The following MYRIP variants were observed in gnomAD, a reference collection of about 807,000 sequenced individuals.
MYRIP encodes the protein myosin VIIA and Rab interacting protein.
MYRIP carries 49 observed loss-of-function variants against 98.0 expected under a neutral mutation model. The observed-to-expected ratio is 0.50, with a 90% CI of 0.40 to 0.63. MYRIP has a LOEUF of 0.63. Among genes scored for constraint, MYRIP ranks in the 30% least tolerant of loss-of-function variants. MYRIP has a pLI of 0.00. For missense variants in MYRIP, 1,004 were observed against 1,058.2 expected (o/e 0.95, Z 0.71); for synonymous variants, 404 against 409.5 (o/e 0.99, Z 0.16).
At chr3:40,057,538 T>C (rs1012069102) in intron 3 of MYRIP, among the ~76,000 whole-genome samples, 11 of 152,166 alleles carry the variant, frequency 7.2e-5, no homozygotes, top group African/African-American at 2.4e-4. Flanking sequence ...CCATATGCCT[T>C]GGTAACTCCC....
chr3:39,889,032 G>A (rs1186852479), intron 1 of MYRIP, among the ~76,000 whole-genome samples: 1 of 152,122 alleles, frequency 6.6e-6, no homozygotes, highest in Non-Finnish European at 1.5e-5. Flanking sequence ...GGAAACAACA[G>A]GTGCTGGAGA....
intron 11 of MYRIP, among the ~76,000 whole-genome samples, chr3:40,230,587 T>C (rs1952623976): frequency 6.6e-6 from 1 of 152,178 alleles, no homozygotes; most frequent in Admixed American, 6.5e-5. Flanking sequence ...CCCTGTCATA[T>C]AGCTATTGAA....
At chr3:40,152,285 C>T (rs1252044532) in intron 4 of MYRIP, among the ~76,000 whole-genome samples, 2 of 152,144 alleles carry the variant, frequency 1.3e-5, no homozygotes, top group South Asian at 2.1e-4. Context: ...TGAATAGAAT[C>T]GGCTCACTCA....
At chr3:40,219,313 T>C (rs1952248509) in intron 11 of MYRIP, among the ~76,000 whole-genome samples, 2 of 152,202 alleles carry the variant, frequency 1.3e-5, no homozygotes, top group Admixed American at 1.3e-4. Context: ...ATAAATATTT[T>C]GTTTGTTTTA....
intron 2 of MYRIP, among the ~76,000 whole-genome samples, chr3:39,925,429 C>T (rs1944402577): frequency 6.6e-6 from 1 of 151,952 alleles, no homozygotes; most frequent in African/African-American, 2.4e-5. Flanking sequence ...ATGATCCCAT[C>T]ACCCAGGTAG....
At chr3:40,097,652 C>T (rs4676467) in intron 3 of MYRIP, among the ~76,000 whole-genome samples, 125,743 of 152,090 alleles carry the variant, frequency 0.83, 51,972 homozygotes, top group Admixed American at 0.87. Context: ...AGGCTCCCAC[C>T]CTGGAGGTGG....
chr3:40,127,490 C>A (rs559316742), intron 3 of MYRIP, among the ~76,000 whole-genome samples: 1 of 152,324 alleles, frequency 6.6e-6, no homozygotes, highest in South Asian at 2.1e-4. Flanking sequence ...AAGTGGGTCA[C>A]AATTCTACAG....
At chr3:40,253,582 C>G (rs1488776829) in intron 16 of MYRIP, among the ~76,000 whole-genome samples, 1 of 152,166 alleles carries the variant, frequency 6.6e-6, no homozygotes, top group Non-Finnish European at 1.5e-5. Context: ...TCCAAACAAC[C>G]TAAACTAAGA....
intron 3 of MYRIP, among the ~76,000 whole-genome samples, chr3:40,084,376 G>A (rs952011398): frequency 2.0e-5 from 3 of 146,502 alleles, no homozygotes; most frequent in Non-Finnish European, 4.5e-5. Context: ...ACACATCTAT[G>A]TATTATATAT....
At chr3:39,926,037 G>T (rs1002962644) in intron 2 of MYRIP, among the ~76,000 whole-genome samples, 4 of 152,090 alleles carry the variant, frequency 2.6e-5, no homozygotes, top group Non-Finnish European at 5.9e-5. Flanking sequence ...TGACTGATGT[G>T]AGATGGTATC....
intron 3 of MYRIP, among the ~76,000 whole-genome samples, chr3:40,143,698 A>G (rs1260175807): frequency 6.6e-6 from 1 of 152,248 alleles, no homozygotes. Context: ...TTTATGGGGT[A>G]CAATGTGACA....
intron 1 of MYRIP, among the ~76,000 whole-genome samples, chr3:39,891,574 T>G (rs921515664): frequency 2.6e-5 from 4 of 152,146 alleles, no homozygotes; most frequent in Non-Finnish European, 5.9e-5. Context: ...CTAAGTTCAC[T>G]TTTCCAAAAT....
chr3:40,190,892 A>G (rs1951190345), intron 10 of MYRIP, among the ~76,000 whole-genome samples: 1 of 152,208 alleles, frequency 6.6e-6, no homozygotes, highest in Non-Finnish European at 1.5e-5. Flanking sequence ...TTCAGATCCA[A>G]CTGTGTGGCC....
At chr3:40,164,482 G>A (rs1290762611) in intron 5 of MYRIP, among the ~76,000 whole-genome samples, 1 of 152,192 alleles carries the variant, frequency 6.6e-6, no homozygotes, top group Admixed American at 6.5e-5. Flanking sequence ...AGGCCTTTCA[G>A]TGGATTGAAT....
chr3:40,149,426 C>A (rs534544932), intron 3 of MYRIP, among the ~76,000 whole-genome samples: 4 of 152,326 alleles, frequency 2.6e-5, no homozygotes, highest in South Asian at 4.1e-4. Context: ...CACATTTTAA[C>A]ATGAGATTTG....
chr3:40,203,540 T>C (rs923460870), intron 10 of MYRIP, among the ~76,000 whole-genome samples: 2 of 150,580 alleles, frequency 1.3e-5, no homozygotes, highest in African/African-American at 4.9e-5. Context: ...TGAAAACATA[T>C]TAGAAGACTC....
At chr3:40,159,930 T>A (rs934231295) in intron 4 of MYRIP, among the ~76,000 whole-genome samples, 1 of 152,182 alleles carries the variant, frequency 6.6e-6, no homozygotes, top group African/African-American at 2.4e-5. Context: ...CTTCTTTGCC[T>A]TTGGTTTGAA....
In MYRIP at chr3:40,030,153, G is replaced by T. The variant is rs118000155; in HGVS notation, c.111-13897G>T. Among the ~76,000 whole-genome samples the T allele has an allele frequency of 2.0e-4, 31 of 151,802 alleles. No individual in the cohort carries two copies. The East Asian group carries it at 5.8e-3, about 29-fold the overall frequency. The stretch of plus-strand genomic sequence containing the variant: ...AGGGAAGGAAGAGAAAGAAGGGAAA[G>T]AAAGGAAAGAAAGAAGGAAATGGGC... On this transcript the variant is annotated intron_variant, in intron 2 of 16. Coordinates refer to ENST00000302541, the MANE Select transcript of MYRIP (RefSeq NM_015460.4).
At chr3:39,881,346 T>A (rs952969770) in intron 1 of MYRIP, among the ~76,000 whole-genome samples, 3 of 152,180 alleles carry the variant, frequency 2.0e-5, no homozygotes, top group African/African-American at 7.2e-5. Flanking sequence ...TGGAGGCACC[T>A]TAACAAGTGG....
Sources: gnomAD v4.1 joint callset for allele counts (sites outside exome capture counted in the v4.1 genomes callset) on GRCh38, gnomAD v4.1.1 for gene constraint, MANE v1.5 for transcripts, NCBI Gene and HGNC (gene_info 2026-07-23, HGNC 2026-07-21) for gene names.